Variants in DRC11 observed in about 807,000 individuals in gnomAD.
DRC11 encodes dynein regulatory complex subunit 11, also known as IQ and AAA domain-containing protein 1.
At chr2:236,462,332 C>T in the DRC11 span, among the ~76,000 whole-genome samples, 2 of 152,132 alleles carry the variant, frequency 1.3e-5, no homozygotes, top group South Asian at 2.1e-4. This position sits in a 1 kb window ranked among gnomAD's most constrained non-coding sequence, Gnocchi z 6.4. Flanking sequence ...AAGTCCCCAA[C>T]AGACCAGGTG....
the DRC11 span, among the ~76,000 whole-genome samples, chr2:236,492,728 G>C: frequency 6.6e-6 from 1 of 152,202 alleles, no homozygotes; most frequent in African/African-American, 2.4e-5. Context: ...ATAGGGCAGT[G>C]CCCTGTGGAA....
the DRC11 span, among the ~76,000 whole-genome samples, chr2:236,406,247 G>A: frequency 3.3e-5 from 5 of 152,314 alleles, no homozygotes; most frequent in East Asian, 1.9e-4. The surrounding 1 kb of genome is among the most constrained non-coding windows in gnomAD (Gnocchi z 4.7). Context: ...GAGATAAACC[G>A]TGCGCCTTCT....
the DRC11 span, among the ~76,000 whole-genome samples, chr2:236,357,801 A>G: frequency 2.4e-5 from 3 of 126,612 alleles, no homozygotes; most frequent in African/African-American, 6.3e-5. Context: ...CATATACTAT[A>G]TAAATATAGA....
chr2:236,341,154 C>T, the DRC11 span, among the ~76,000 whole-genome samples: 12 of 152,224 alleles, frequency 7.9e-5, no homozygotes, highest in Admixed American at 3.3e-4. Flanking sequence ...ACAATACAAC[C>T]GCCACAGCCA....
At chr2:236,435,742 G>T in the DRC11 span, among the ~76,000 whole-genome samples, 1 of 152,162 alleles carries the variant, frequency 6.6e-6, no homozygotes, top group African/African-American at 2.4e-5. Context: ...TTTGAGATGA[G>T]ATTTGGGTGG....
the DRC11 span, among the ~76,000 whole-genome samples, chr2:236,460,904 G>A: frequency 2.6e-5 from 4 of 151,986 alleles, no homozygotes; most frequent in African/African-American, 4.8e-5. This position sits in a 1 kb window ranked among gnomAD's most constrained non-coding sequence, Gnocchi z 4.0. Flanking sequence ...ACAGGCGTCC[G>A]CCACCATGTC....
At chr2:236,473,941 A>G in the DRC11 span, among the ~76,000 whole-genome samples, 1 of 152,204 alleles carries the variant, frequency 6.6e-6, no homozygotes, top group African/African-American at 2.4e-5. This position sits in a 1 kb window ranked among gnomAD's most constrained non-coding sequence, Gnocchi z 4.8. Flanking sequence ...TTTTGATCAG[A>G]TAAGTCAATG....
the DRC11 span, among the ~76,000 whole-genome samples, chr2:236,462,052 C>T: frequency 3.3e-5 from 5 of 152,116 alleles, no homozygotes; most frequent in Non-Finnish European, 4.4e-5. The surrounding 1 kb of genome is among the most constrained non-coding windows in gnomAD (Gnocchi z 6.4). Context: ...GGTCAAAGAG[C>T]GGGGTGAATG....
chr2:236,318,045 T>C, the DRC11 span, among the ~76,000 whole-genome samples: 1 of 152,212 alleles, frequency 6.6e-6, no homozygotes, highest in Non-Finnish European at 1.5e-5. This position sits in a 1 kb window ranked among gnomAD's most constrained non-coding sequence, Gnocchi z 7.0. Flanking sequence ...GGAAAGTTCA[T>C]TAGCTTGTAA....
chr2:236,357,960 T>C, the DRC11 span, among the ~76,000 whole-genome samples: 6 of 101,026 alleles, frequency 5.9e-5, no homozygotes, highest in Admixed American at 1.1e-4. Flanking sequence ...TAAATATATA[T>C]AATATATGAA....
At chr2:236,463,367 A>C in the DRC11 span, among the ~76,000 whole-genome samples, 1 of 152,202 alleles carries the variant, frequency 6.6e-6, no homozygotes, top group Non-Finnish European at 1.5e-5. This position sits in a 1 kb window ranked among gnomAD's most constrained non-coding sequence, Gnocchi z 5.0. Flanking sequence ...TACAGAATTT[A>C]CACAACATCA....
the DRC11 span, among the ~76,000 whole-genome samples, chr2:236,472,554 G>A: frequency 4.6e-4 from 70 of 152,264 alleles, no homozygotes; most frequent in African/African-American, 1.5e-3. This position sits in a 1 kb window ranked among gnomAD's most constrained non-coding sequence, Gnocchi z 4.6. Flanking sequence ...AAAAGTTATA[G>A]TTGTTGATAG....
chr2:236,338,090 G>C, the DRC11 span: 3 of 976,734 alleles, frequency 3.1e-6, no homozygotes, highest in Non-Finnish European at 4.5e-6. Flanking sequence ...ACCGGGTGCA[G>C]GCTCCCCTCA....
the DRC11 span, among the ~76,000 whole-genome samples, chr2:236,456,050 C>T: frequency 2.6e-5 from 4 of 152,118 alleles, no homozygotes; most frequent in Non-Finnish European, 5.9e-5. This position sits in a 1 kb window ranked among gnomAD's most constrained non-coding sequence, Gnocchi z 5.4. Context: ...AAGCTGTGTA[C>T]AGCTGTGAAT....
chr2:236,493,081 T>C, the DRC11 span, among the ~76,000 whole-genome samples: 6 of 152,328 alleles, frequency 3.9e-5, no homozygotes, highest in South Asian at 2.1e-4. Context: ...CACAGTTCCA[T>C]GTGGCTAGGG....
the DRC11 span, among the ~76,000 whole-genome samples, chr2:236,328,466 TC>T: frequency 3.3e-4 from 50 of 152,146 alleles, no homozygotes; most frequent in African/African-American, 1.2e-3. The surrounding 1 kb of genome is among the most constrained non-coding windows in gnomAD (Gnocchi z 6.7). Context: ...GATCACAAGT[TC>T]CTTGATGCTT....
At chr2:236,497,678 C>T in the DRC11 span, among the ~76,000 whole-genome samples, 3 of 152,156 alleles carry the variant, frequency 2.0e-5, no homozygotes, top group South Asian at 6.2e-4. The surrounding 1 kb of genome is among the most constrained non-coding windows in gnomAD (Gnocchi z 5.1). Context: ...TGAATATGTA[C>T]CACCACTATT....
the DRC11 span, among the ~76,000 whole-genome samples, chr2:236,458,839 A>G: frequency 6.6e-6 from 1 of 152,168 alleles, no homozygotes; most frequent in African/African-American, 2.4e-5. Context: ...TGAGGTCAGG[A>G]GTTTGAGACC....
the DRC11 span, among the ~76,000 whole-genome samples, chr2:236,446,336 A>G: frequency 6.6e-6 from 1 of 152,230 alleles, no homozygotes; most frequent in East Asian, 1.9e-4. The surrounding 1 kb of genome is among the most constrained non-coding windows in gnomAD (Gnocchi z 6.2). Context: ...AATGGAAAAT[A>G]TTTGGCTCCC....
Sources: allele counts gnomAD v4.1 joint callset (sites outside exome capture counted in the v4.1 genomes callset), GRCh38; gene constraint gnomAD v4.1.1; non-coding constraint Gnocchi (gnomAD v3.1); transcripts MANE v1.5; gene names NCBI Gene and HGNC (gene_info 2026-07-23, HGNC 2026-07-21).